DLGAP2: variants seen among roughly 807,000 people sequenced by gnomAD.
DLGAP2 encodes the protein disks large-associated protein 2.
A neutral mutation model predicts 100.3 loss-of-function variants in DLGAP2; 26 were observed. The ratio of observed to expected loss-of-function variants is 0.26; its 90% CI spans 0.19 to 0.36. DLGAP2 has a LOEUF of 0.36. Ranked by LOEUF, DLGAP2 falls within the 10% of genes least tolerant of loss-of-function variation. The pLI, the probability that DLGAP2 is intolerant of heterozygous loss-of-function variation, is 1.00. For synonymous variants in DLGAP2, 886 were observed against 630.1 expected (o/e 1.41, Z -6.08); for missense variants, 1,858 against 1,453.2 (o/e 1.28, Z -4.53).
At chr8:1,642,159 G>C (rs1441952979) in intron 8 of DLGAP2, among the ~76,000 whole-genome samples, 1 of 29,750 alleles carries the variant, frequency 3.4e-5, no homozygotes, top group Non-Finnish European at 5.5e-5. Context: ...CCTCGACCCC[G>C]CCGGTCCCCA....
intron 2 of DLGAP2, among the ~76,000 whole-genome samples, chr8:1,093,492 G>A (rs1040360267): frequency 4.6e-5 from 7 of 151,440 alleles, no homozygotes; most frequent in Non-Finnish European, 1.0e-4. Flanking sequence ...CACACCGACA[G>A]CCAGAAACAC....
At chr8:807,995 A>T (rs1455835072) in intron 1 of DLGAP2, among the ~76,000 whole-genome samples, 5 of 152,188 alleles carry the variant, frequency 3.3e-5, no homozygotes, top group African/African-American at 1.2e-4. Flanking sequence ...CTACTAAGCA[A>T]TTGCTACGTG....
chr8:1,468,170 T>A (rs1009630823), intron 3 of DLGAP2, among the ~76,000 whole-genome samples: 24 of 152,214 alleles, frequency 1.6e-4, no homozygotes, highest in African/African-American at 5.5e-4. Flanking sequence ...CGGTCCCTTC[T>A]GAGAACCTCC....
intron 1 of DLGAP2, among the ~76,000 whole-genome samples, chr8:806,925 G>T (rs1452538027): frequency 6.6e-6 from 1 of 152,174 alleles, no homozygotes; most frequent in Non-Finnish European, 1.5e-5. Context: ...CTTGATAACC[G>T]CACTGTGTGG....
intron 1 of DLGAP2, among the ~76,000 whole-genome samples, chr8:890,765 G>A (rs1486979492): frequency 6.6e-6 from 1 of 152,044 alleles, no homozygotes; most frequent in Non-Finnish European, 1.5e-5. Flanking sequence ...CTTCCTGTGT[G>A]TCTCCGGCCT....
intron 3 of DLGAP2, among the ~76,000 whole-genome samples, chr8:1,328,727 A>C (rs189293057): frequency 2.2e-3 from 332 of 152,364 alleles, no homozygotes; most frequent in African/African-American, 7.4e-3. Context: ...ACAGAACAAC[A>C]ACCACAGCAA....
chr8:1,123,627 C>G (rs115570344), intron 2 of DLGAP2, among the ~76,000 whole-genome samples: 4 of 150,850 alleles, frequency 2.7e-5, no homozygotes, highest in African/African-American at 9.7e-5. Flanking sequence ...TTTATCTTTC[C>G]TTTATTCCTA....
chr8:1,086,223 A>C (rs1424406416), intron 2 of DLGAP2, among the ~76,000 whole-genome samples: 2 of 152,116 alleles, frequency 1.3e-5, no homozygotes, highest in African/African-American at 4.8e-5. Flanking sequence ...GAACAATTTA[A>C]CTTCTTTCCA....
chr8:971,341 C>T (rs1358148737), intron 2 of DLGAP2, among the ~76,000 whole-genome samples: 1 of 152,208 alleles, frequency 6.6e-6, no homozygotes, highest in Non-Finnish European at 1.5e-5. Flanking sequence ...ATCCTCCTCA[C>T]AAGAGAAGTG....
chr8:1,569,463 A>C (rs1220391187), intron 6 of DLGAP2, among the ~76,000 whole-genome samples: 1 of 151,558 alleles, frequency 6.6e-6, no homozygotes, highest in African/African-American at 2.4e-5. Context: ...CCTCTGAGTC[A>C]CTCTTTGGGG....
At chr8:1,003,175 G>C (rs571536528) in intron 2 of DLGAP2, 1 of 152,312 alleles carries the variant, frequency 6.6e-6, no homozygotes, top group East Asian at 1.9e-4. Flanking sequence ...CAGGGCCACC[G>C]CTATGGGAGG....
chr8:1,433,654 C>A (rs1419433255), intron 3 of DLGAP2, among the ~76,000 whole-genome samples: 1 of 150,836 alleles, frequency 6.6e-6, no homozygotes, highest in African/African-American at 2.4e-5. Context: ...CACAAACACA[C>A]ATTTGGCAAA....
intron 5 of DLGAP2, among the ~76,000 whole-genome samples, chr8:1,556,129 T>C (rs1801957631): frequency 6.6e-6 from 1 of 152,218 alleles, no homozygotes; most frequent in Non-Finnish European, 1.5e-5. Context: ...GATTCTGTGA[T>C]CTAAGACCCT....
At chr8:1,214,639 C>T (rs1181839244) in intron 2 of DLGAP2, among the ~76,000 whole-genome samples, 1 of 152,234 alleles carries the variant, frequency 6.6e-6, no homozygotes, top group Admixed American at 6.5e-5. Context: ...TCCCTATTGT[C>T]TGTTTTCAGT....
At chr8:1,359,995 C>T (rs1801943296) in intron 3 of DLGAP2, among the ~76,000 whole-genome samples, 2 of 152,180 alleles carry the variant, frequency 1.3e-5, no homozygotes, top group African/African-American at 4.8e-5. Context: ...CTCAGCATCG[C>T]CGGTGTTTCA....
intron 4 of DLGAP2, among the ~76,000 whole-genome samples, chr8:1,507,677 T>G (rs550139613): frequency 5.3e-5 from 8 of 151,948 alleles, no homozygotes; most frequent in Non-Finnish European, 8.8e-5. Context: ...GAAGCAGTGA[T>G]GTGCTGAGCT....
intron 1 of DLGAP2, chr8:739,382 G>C (rs1820423975): frequency 6.6e-6 from 1 of 152,250 alleles, no homozygotes; most frequent in Non-Finnish European, 1.5e-5. Flanking sequence ...CTTGCAGTTG[G>C]GAAATAACCC....
chr8:1,062,570 A>G (rs1315464099), intron 2 of DLGAP2, among the ~76,000 whole-genome samples: 1 of 152,202 alleles, frequency 6.6e-6, no homozygotes, highest in Non-Finnish European at 1.5e-5. Context: ...GGTAGACAGT[A>G]GCCAGCTGGT....
chr8:834,025 G>A (rs1043458995), intron 1 of DLGAP2, among the ~76,000 whole-genome samples: 1 of 152,194 alleles, frequency 6.6e-6, no homozygotes, highest in Non-Finnish European at 1.5e-5. Context: ...GCCTGGAGAC[G>A]TTGCCCAATT....
Sources: gnomAD v4.1 joint callset for allele counts (sites outside exome capture counted in the v4.1 genomes callset) on GRCh38, gnomAD v4.1.1 for gene constraint, MANE v1.5 for transcripts, NCBI Gene and HGNC (gene_info 2026-07-23, HGNC 2026-07-21) for gene names.